The following ANTXR1 variants were observed in gnomAD, a reference collection of about 807,000 sequenced individuals.
ANTXR1 encodes the protein anthrax toxin receptor 1.
In ANTXR1, 19 loss-of-function variants were observed where a neutral mutation model predicts 78.1. That is an observed-to-expected ratio of 0.24 (90% CI 0.17 to 0.36). ANTXR1 has a LOEUF of 0.36. ANTXR1 is among the 10% of genes least tolerant of loss of function. The probability of loss-of-function intolerance (pLI) is 1.00; values close to 1 mark genes in which losing one functional copy is unlikely to be tolerated. For synonymous variants in ANTXR1, 273 were observed against 260.5 expected (o/e 1.05, Z -0.46); for missense variants, 518 against 718.6 (o/e 0.72, Z 3.19).
chr2:69,145,666 A>C, intron 12 of ANTXR1: 1 of 1,178,164 alleles, frequency 8.5e-7, no homozygotes, highest in Non-Finnish European at 1.1e-6. Context: ...CCCAACTTTG[A>C]GGTGGAGGAT....
chr2:69,208,185 G>C (rs1251785347), intron 17 of ANTXR1, among the ~76,000 whole-genome samples: 1 of 152,160 alleles, frequency 6.6e-6, no homozygotes, highest in African/African-American at 2.4e-5. Flanking sequence ...GGTTTTGCTG[G>C]GGACCCACCC....
intron 12 of ANTXR1, among the ~76,000 whole-genome samples, chr2:69,134,762 C>T (rs757626840): frequency 2.6e-5 from 4 of 152,136 alleles, no homozygotes; most frequent in Non-Finnish European, 5.9e-5. Context: ...CCAACCTCCA[C>T]CTAATACAAG....
intron 15 of ANTXR1, chr2:69,182,092 G>A (rs1210362321): frequency 8.4e-6 from 5 of 591,994 alleles, no homozygotes; most frequent in Non-Finnish European, 1.5e-5. Context: ...AAGGCAGACG[G>A]ATGGAGAGAT....
At chr2:69,230,340 T>G (rs1675560099) in intron 17 of ANTXR1, among the ~76,000 whole-genome samples, 1 of 151,966 alleles carries the variant, frequency 6.6e-6, no homozygotes, top group Admixed American at 6.6e-5. Context: ...CAATGGTTTA[T>G]CGACCTTCCT....
rs1264157278 is a variant in ANTXR1 at position 69,146,068 on chromosome 2, G to GA, written c.952-6099dup. 4.1e-6 allele frequency: 4 copies of GA among 985,342 alleles called. No individual in the cohort carries two copies. In the African/African-American group the frequency reaches 7.0e-5, roughly 17 times the overall value. 61.0% of individuals were successfully genotyped at this position (985,342 alleles called of 1,614,324 possible). ...CCATTCAAGCCGGGCAGCCTTCAGA[G>GA]AATGTCATCCCTAATGACACATGCC... On this transcript the variant is annotated intron_variant, in intron 12 of 17. Coordinates refer to ENST00000303714, the MANE Select transcript of ANTXR1 (RefSeq NM_032208.3).
In ANTXR1 at chr2:69,226,259, A is replaced by C. The variant is rs533278867; in HGVS notation, c.1435-18966A>C. Among the ~76,000 whole-genome samples the C allele has an allele frequency of 1.1e-4, 16 of 152,136 alleles. 1 individual carries two copies. In the South Asian group the frequency reaches 3.3e-3, roughly 32 times the overall value. On this transcript the variant is annotated intron_variant, in intron 17 of 17. Coordinates refer to ENST00000303714, the MANE Select transcript of ANTXR1 (RefSeq NM_032208.3). ...TTTCCTGGACTGTCTGGATTCACAG[A>C]GTTTCTTTGGGTTCTCTGGCTGAAT...
chr2:69,122,944 T>C, intron 10 of ANTXR1, 73 bp from the exon 11 acceptor site: 1 of 1,511,906 alleles, frequency 6.6e-7, no homozygotes, highest in Non-Finnish European at 9.2e-7. Flanking sequence ...TGGTTGATGT[T>C]CTCTAGAAGT....
chr2:69,213,628 A>C (rs1412712697), intron 17 of ANTXR1, among the ~76,000 whole-genome samples: 1 of 152,226 alleles, frequency 6.6e-6, no homozygotes, highest in Non-Finnish European at 1.5e-5. Context: ...GTCTTGCCAG[A>C]GCTCCACCCT....
intron 3 of ANTXR1, among the ~76,000 whole-genome samples, chr2:69,049,394 T>C (rs1669867221): frequency 6.6e-6 from 1 of 152,148 alleles, no homozygotes; most frequent in Admixed American, 6.6e-5. Context: ...CACTGCAACC[T>C]CCATCTCCCA....
chr2:69,050,748 G>A (rs1044972954), intron 3 of ANTXR1, among the ~76,000 whole-genome samples: 9 of 152,052 alleles, frequency 5.9e-5, no homozygotes, highest in South Asian at 2.1e-4. Context: ...AATTTATCAC[G>A]TATCTTTTTA....
intron 8 of ANTXR1, 153 bp from the exon 9 acceptor site, chr2:69,090,706 T>C: frequency 1.4e-6 from 1 of 695,878 alleles, no homozygotes; most frequent in South Asian, 1.6e-5. Context: ...TTGGTATTGG[T>C]ACTAGTCAAG....
At chr2:69,243,488 A>G (rs1237605254) in intron 17 of ANTXR1, among the ~76,000 whole-genome samples, 1 of 152,094 alleles carries the variant, frequency 6.6e-6, no homozygotes, top group Non-Finnish European at 1.5e-5. Context: ...TGTTTGGGGG[A>G]AAAGGGACAT....
intron 8 of ANTXR1, among the ~76,000 whole-genome samples, chr2:69,086,515 T>C (rs1405071445): frequency 6.6e-6 from 1 of 152,238 alleles, no homozygotes; most frequent in East Asian, 1.9e-4. Context: ...ATTATTTAGC[T>C]CTTTATGGAT....
At chr2:69,129,749 CAAA>C (rs375857337) in intron 12 of ANTXR1, among the ~76,000 whole-genome samples, 7,431 of 119,788 alleles carry the variant, frequency 0.062, 606 homozygotes, top group African/African-American at 0.2. Flanking sequence ...GACTCCATCT[CAAA>C]AAAAAAAAAA....
chr2:69,058,460 C>A (rs924974040), intron 3 of ANTXR1, among the ~76,000 whole-genome samples: 1 of 152,016 alleles, frequency 6.6e-6, no homozygotes, highest in African/African-American at 2.4e-5. Context: ...AACAACAAAG[C>A]CCAGATGACA....
chr2:69,133,835 T>C (rs1672830164), intron 12 of ANTXR1, among the ~76,000 whole-genome samples: 1 of 152,176 alleles, frequency 6.6e-6, no homozygotes, highest in African/African-American at 2.4e-5. Flanking sequence ...AATATGTGGC[T>C]TAGCAAAACA....
At chr2:69,187,585 CTTTTTTT>C (rs58660678) in intron 16 of ANTXR1, among the ~76,000 whole-genome samples, 1 of 94,898 alleles carries the variant, frequency 1.1e-5, no homozygotes, top group Non-Finnish European at 1.9e-5. Flanking sequence ...TCATGTATTT[CTTTTTTT>C]TTTTTTTTTT....
At chr2:69,202,931 T>C (rs1674810425) in intron 17 of ANTXR1, among the ~76,000 whole-genome samples, 1 of 152,240 alleles carries the variant, frequency 6.6e-6, no homozygotes, top group South Asian at 2.1e-4. Flanking sequence ...AAAACTGCCA[T>C]TGATTTCAGA....
chr2:69,075,014 GACC>G (rs1395336060), intron 6 of ANTXR1, among the ~76,000 whole-genome samples: 2 of 151,630 alleles, frequency 1.3e-5, no homozygotes, highest in African/African-American at 4.9e-5. Flanking sequence ...TTCAAATATG[GACC>G]ACAATTTCCA....
Sources: gnomAD v4.1 joint callset for allele counts (sites outside exome capture counted in the v4.1 genomes callset) on GRCh38, gnomAD v4.1.1 for gene constraint, MANE v1.5 for transcripts, NCBI Gene and HGNC (gene_info 2026-07-23, HGNC 2026-07-21) for gene names.